Variants in SHANK2 observed in about 807,000 individuals in gnomAD.
SHANK2 encodes the protein SH3 and multiple ankyrin repeat domains protein 2.
SHANK2 carries 43 observed loss-of-function variants against 133.7 expected under a neutral mutation model. The observed-to-expected ratio is 0.32, with a 90% CI of 0.25 to 0.41. The LOEUF (loss-of-function observed/expected upper bound fraction) is 0.41, where lower values mean the gene tolerates loss of function less well. Ranked by LOEUF, SHANK2 falls within the 10% of genes least tolerant of loss-of-function variation. The pLI, the probability that SHANK2 is intolerant of heterozygous loss-of-function variation, is 1.00. For missense variants in SHANK2, 1,994 were observed against 2,235.8 expected (o/e 0.89, Z 2.18); for synonymous variants, 1,017 against 952.8 (o/e 1.07, Z -1.24).
At chr11:70,613,494 C>G (rs2060693647) in intron 17 of SHANK2, among the ~76,000 whole-genome samples, 1 of 152,114 alleles carries the variant, frequency 6.6e-6, no homozygotes, top group Non-Finnish European at 1.5e-5. Context: ...TGAGCCGCCG[C>G]ACCCGGCCAT....
At chr11:70,636,342 C>T (rs560876007) in intron 17 of SHANK2, among the ~76,000 whole-genome samples, 111 of 151,592 alleles carry the variant, frequency 7.3e-4, no homozygotes, top group African/African-American at 2.3e-3. Flanking sequence ...TGTGTGAATG[C>T]GTGTTAGTAC....
chr11:70,697,404 G>A (rs1289812043), intron 15 of SHANK2, among the ~76,000 whole-genome samples: 2 of 152,192 alleles, frequency 1.3e-5, no homozygotes, highest in Non-Finnish European at 2.9e-5. Context: ...GAAAGATCAC[G>A]TAGCGGCTGA....
intron 13 of SHANK2, among the ~76,000 whole-genome samples, chr11:70,801,815 G>A (rs1334000673): frequency 6.6e-6 from 1 of 152,150 alleles, no homozygotes; most frequent in African/African-American, 2.4e-5. Context: ...AGGCAACCAG[G>A]GGAATTCTGG....
At chr11:70,698,817 C>T (rs782818182) in intron 14 of SHANK2, 54 bp from the exon 15 acceptor site, 45 of 717,968 alleles carry the variant, frequency 6.3e-5, no homozygotes, top group East Asian at 1.3e-4. Flanking sequence ...TCCCCGAACG[C>T]GGAACCCACA....
At chr11:70,539,950 C>T (rs2059597397) in intron 17 of SHANK2, among the ~76,000 whole-genome samples, 1 of 152,126 alleles carries the variant, frequency 6.6e-6, no homozygotes, top group Non-Finnish European at 1.5e-5. Context: ...GCCTTGGTGT[C>T]CCTGGCTTGG....
chr11:70,495,655 G>A (rs939115205), intron 21 of SHANK2, among the ~76,000 whole-genome samples: 1 of 152,228 alleles, frequency 6.6e-6, no homozygotes, highest in African/African-American at 2.4e-5. Flanking sequence ...CTTCCTGACA[G>A]TGCTGGCCCG....
At chr11:70,655,844 C>A (rs1384455032) in intron 17 of SHANK2, among the ~76,000 whole-genome samples, 1 of 152,114 alleles carries the variant, frequency 6.6e-6, no homozygotes, top group Admixed American at 6.5e-5. Flanking sequence ...CATCACCTTG[C>A]CTGCCTGTTG....
chr11:71,147,914 G>A (rs1354827324), intron 2 of SHANK2, among the ~76,000 whole-genome samples: 6 of 152,326 alleles, frequency 3.9e-5, no homozygotes, highest in African/African-American at 1.4e-4. Context: ...TCCCAGACCA[G>A]GACTGGAGTG....
At chr11:70,587,994 T>C (rs2136254215) in intron 17 of SHANK2, among the ~76,000 whole-genome samples, 1 of 152,354 alleles carries the variant, frequency 6.6e-6, no homozygotes, top group Non-Finnish European at 1.5e-5. Flanking sequence ...TCTGTCATGG[T>C]GATCTGAGAT....
chr11:71,232,875 T>C (rs1954767623), intron 1 of SHANK2, among the ~76,000 whole-genome samples: 1 of 152,154 alleles, frequency 6.6e-6, no homozygotes, highest in Admixed American at 6.6e-5. Context: ...TCTCCATTGT[T>C]CAAAGGTTAA....
At chr11:71,229,765 G>GAAAAAAAAAAAA (rs55730780) in intron 1 of SHANK2, among the ~76,000 whole-genome samples, 7 of 116,494 alleles carry the variant, frequency 6.0e-5, no homozygotes, top group East Asian at 2.4e-4. Context: ...TCTCAAAAAA[G>GAAAAAAAAAAAA]AAAAAAAAAA....
chr11:70,905,863 G>A (rs1555077867), intron 10 of SHANK2, among the ~76,000 whole-genome samples: 1 of 149,346 alleles, frequency 6.7e-6, no homozygotes, highest in Non-Finnish European at 1.5e-5. Context: ...CCAGGCTTGA[G>A]TGCAGTGGCA....
At position 70,473,942 on chromosome 11, in the gene SHANK2, C is replaced by T. The variant is rs988457543; in HGVS notation, c.4980-503G>A. 18 of 231,254 alleles carry T rather than the reference C, an allele frequency of 7.8e-5. No homozygotes were observed. Among genetic ancestry groups the T allele is most frequent in the Non-Finnish European group, 2.7e-5 (3 of 113,078 alleles). The allele number at this position is 231,254 out of a possible 1,614,324, so 14.3% of individuals were successfully genotyped here. ...CTTCAGCAGGTGGGAAGGAGCACACCTGGAGGACAGGCCCCTCAGCCGCCT... is the reference window on the plus strand; with the variant it reads ...CTTCAGCAGGTGGGAAGGAGCACACTTGGAGGACAGGCCCCTCAGCCGCCT... On this transcript the variant is annotated intron_variant, in intron 25 of 25. Coordinates refer to ENST00000601538, the MANE Select transcript of SHANK2 (RefSeq NM_012309.5). This position sits in a 1 kb window ranked among gnomAD's most constrained non-coding sequence, Gnocchi z 5.9.
intron 14 of SHANK2, among the ~76,000 whole-genome samples, chr11:70,759,994 C>T (rs1393103037): frequency 6.6e-6 from 1 of 152,244 alleles, no homozygotes; most frequent in African/African-American, 2.4e-5. Flanking sequence ...TTCAGACTTC[C>T]AGCCTCCAGA....
chr11:71,238,354 T>C (rs1954848739), intron 1 of SHANK2, among the ~76,000 whole-genome samples: 1 of 152,236 alleles, frequency 6.6e-6, no homozygotes, highest in Non-Finnish European at 1.5e-5. Flanking sequence ...TGGCGGTACG[T>C]GGATGCTTAC....
chr11:70,725,401 C>T (rs1188183018), intron 14 of SHANK2, among the ~76,000 whole-genome samples: 2 of 152,168 alleles, frequency 1.3e-5, no homozygotes, highest in Non-Finnish European at 2.9e-5. Flanking sequence ...GACAGGAAGG[C>T]ACATGGCGCT....
rs1478941261 is a variant in SHANK2 at position 70,946,134 on chromosome 11, G to A, written c.1108-49567C>T. The stretch of plus-strand genomic sequence containing the variant: ...CTTCCCAGACACAACCTGCCTCTCC[G>A]CTAACTAACCCTTCCCAGGCTCAAC... On this transcript the variant is annotated intron_variant, in intron 10 of 25. Transcript: ENST00000601538. Among the ~76,000 whole-genome samples the A allele has an allele frequency of 1.3e-3, 118 of 88,224 alleles. 1 individual carries two copies. The highest frequency in any genetic ancestry group is 6.1e-3 in the African/African-American group (111 of 18,328). The allele number at this position is 88,224 out of a possible 152,430, so 57.9% of individuals were successfully genotyped here.
chr11:70,870,995 C>T (rs1346136604), intron 11 of SHANK2, among the ~76,000 whole-genome samples: 2 of 152,274 alleles, frequency 1.3e-5, no homozygotes, highest in Non-Finnish European at 2.9e-5. Flanking sequence ...CCAGGCTGGT[C>T]TCGAACTCCT....
intron 2 of SHANK2, among the ~76,000 whole-genome samples, chr11:71,223,328 C>T (rs1447962559): frequency 3.9e-5 from 6 of 152,336 alleles, no homozygotes; most frequent in South Asian, 4.1e-4. Context: ...CAGAGATAAA[C>T]GATCAGCACA....
Sources: gnomAD v4.1 joint callset for allele counts (sites outside exome capture counted in the v4.1 genomes callset) on GRCh38, gnomAD v4.1.1 for gene constraint, Gnocchi (gnomAD v3.1) non-coding constraint, MANE v1.5 for transcripts, NCBI Gene and HGNC (gene_info 2026-07-23, HGNC 2026-07-21) for gene names.